The following PCLO variants were observed in gnomAD, a reference collection of about 807,000 sequenced individuals.
PCLO encodes piccolo presynaptic cytomatrix protein.
A neutral mutation model predicts 427.5 loss-of-function variants in PCLO; 82 were observed. The observed-to-expected ratio is 0.19, with a 90% CI of 0.16 to 0.23. The LOEUF is 0.23. PCLO is among the 10% of genes least tolerant of loss of function. PCLO has a pLI of 1.00. For missense variants in PCLO, 6,239 were observed against 6,115.9 expected (o/e 1.02, Z -0.67); for synonymous variants, 2,357 against 2,155.4 (o/e 1.09, Z -2.59).
chr7:82,919,656 A>C (rs2116289145), intron 6 of PCLO, among the ~76,000 whole-genome samples: 1 of 152,040 alleles, frequency 6.6e-6, no homozygotes, highest in African/African-American at 2.4e-5. Context: ...GTTGAGAGAA[A>C]GCAACAGATT....
At chr7:82,763,159 C>T (rs536917677) in intron 22 of PCLO, among the ~76,000 whole-genome samples, 8 of 152,138 alleles carry the variant, frequency 5.3e-5, no homozygotes, top group Middle Eastern at 3.4e-3. Flanking sequence ...ACTGATTCAT[C>T]GAGGATACCC....
chr7:83,057,083 T>G, intron 3 of PCLO, among the ~76,000 whole-genome samples: 1 of 149,872 alleles, frequency 6.7e-6, no homozygotes, highest in East Asian at 1.9e-4. Flanking sequence ...TCTTTAACCA[T>G]ATATATATAT....
intron 6 of PCLO, among the ~76,000 whole-genome samples, chr7:82,946,256 A>G (rs1795199115): frequency 1.3e-5 from 2 of 152,160 alleles, no homozygotes; most frequent in Admixed American, 6.5e-5. Flanking sequence ...CATTCCTTCT[A>G]TGATTATAAT....
chr7:82,950,911 A>C lies in PCLO; in HGVS notation c.9677T>G (p.Ile3226Ser). 1 of 1,613,328 alleles carries C rather than the reference A, an allele frequency of 6.2e-7. No individual in the cohort carries two copies. Among genetic ancestry groups the C allele is most frequent in the Non-Finnish European group, 8.5e-7 (1 of 1,179,822 alleles). ...TTCCTCAGCAAAGCGCTGTTGCTTAATTTTCTCCAGTTCCAGGAGCTCACG... is the reference window on the plus strand; with the variant it reads ...TTCCTCAGCAAAGCGCTGTTGCTTACTTTTCTCCAGTTCCAGGAGCTCACG... ...LERELLELEK[I>S]KQQRFAEELE... Residue 3226 changes from isoleucine (I) to serine (S), a missense_variant, in exon 6 of 25, where the codon ATT becomes AGT. Around this residue, in one of 5 missense-constraint regions of PCLO, gnomAD observed 4,677 missense variants for 4,468.4 expected, o/e 1.05. Coordinates refer to ENST00000333891, the MANE Select transcript of PCLO (RefSeq NM_033026.6).
chr7:83,152,140 A>AT (rs1228669268), intron 2 of PCLO, among the ~76,000 whole-genome samples: 12 of 150,946 alleles, frequency 7.9e-5, no homozygotes, highest in African/African-American at 2.9e-4. Flanking sequence ...AATTTTTTGT[A>AT]TTTTTAGTAG....
At chr7:83,036,986 G>A (rs1318169417) in intron 3 of PCLO, among the ~76,000 whole-genome samples, 2 of 152,100 alleles carry the variant, frequency 1.3e-5, no homozygotes, top group East Asian at 3.9e-4. Flanking sequence ...AAATGAAGAA[G>A]TTAACAGATT....
intron 3 of PCLO, among the ~76,000 whole-genome samples, chr7:83,047,778 T>C (rs966688175): frequency 3.3e-5 from 5 of 152,070 alleles, no homozygotes; most frequent in Non-Finnish European, 5.9e-5. Context: ...AATTTAAATA[T>C]TCTCAAAGTC....
At position 83,155,687 on chromosome 7, in the gene PCLO, C is replaced by A. The variant is rs757236652; in HGVS notation, c.954G>T (p.Gln318His). The A allele has an allele frequency of 1.2e-6, 2 of 1,613,850 alleles. No homozygotes were observed. The highest frequency in any genetic ancestry group is 1.7e-5 in the Admixed American group (1 of 60,004). Reference protein sequence around the residue: ...QPTPGKPPAQQPGHEKSQPGP... With the variant: ...QPTPGKPPAQHPGHEKSQPGP... ...CAGGCTGTGATTTTTCATGTCCAGG[C>A]TGCTGTGCTGGAGGTTTTCCAGGAG... The change falls in exon 2 of 25, where the codon CAG becomes CAT. Residue 318 changes from glutamine (Q) to histidine (H), a missense_variant. Gln to His is a conservative substitution (Grantham distance 24). Coordinates refer to ENST00000333891, the MANE Select transcript of PCLO (RefSeq NM_033026.6).
chr7:82,981,619 T>C (rs1431889610), intron 3 of PCLO, among the ~76,000 whole-genome samples: 1 of 152,146 alleles, frequency 6.6e-6, no homozygotes, highest in Non-Finnish European at 1.5e-5. Context: ...TCTGTCACCT[T>C]TGCAATAATT....
At position 83,154,001 on chromosome 7, in the gene PCLO, C is replaced by T. The variant is rs573504453; in HGVS notation, c.1893+747G>A. 3.9e-5 allele frequency among the ~76,000 whole-genome samples: 6 copies of T among 152,174 alleles called. No individual in the cohort carries two copies. In the South Asian group the frequency reaches 1.2e-3, roughly 32 times the overall value. The stretch of plus-strand genomic sequence containing the variant: ...ATAAAGTCAGTTAACTTGCTGAGAA[C>T]TACTCTTCTATCCTCAATCTGAGTA... On this transcript the variant is annotated intron_variant, in intron 2 of 24. Transcript: ENST00000333891.
intron 10 of PCLO, 59 bp downstream of exon 10, chr7:82,879,276 TTA>T: frequency 5.1e-6 from 7 of 1,385,212 alleles, no homozygotes; most frequent in Non-Finnish European, 6.9e-6. Context: ...GCATATTAAA[TTA>T]AAATGTATTT....
intron 22 of PCLO, among the ~76,000 whole-genome samples, chr7:82,798,758 G>T (rs951935021): frequency 2.0e-5 from 3 of 152,070 alleles, no homozygotes; most frequent in Non-Finnish European, 2.9e-5. Context: ...TTATAAATTT[G>T]ATTATTGTCA....
intron 16 of PCLO, among the ~76,000 whole-genome samples, chr7:82,831,092 C>T (rs943724033): frequency 2.6e-5 from 4 of 151,918 alleles, no homozygotes; most frequent in Non-Finnish European, 5.9e-5. Flanking sequence ...CTCCTTTTTC[C>T]TCTGGTAAAG....
rs1397839429 is a variant in PCLO, at chr7:82,908,832, T to C, written c.13437+45A>G. ...AAGACCATTCTAGGGTAGACTTGAG[T>C]CTTTTTTGATAAATCTAAAAGAAAT... On this transcript the variant is annotated intron_variant, in intron 8 of 24. Coordinates refer to ENST00000333891, the MANE Select transcript of PCLO (RefSeq NM_033026.6). 6 of 1,537,700 alleles carry C rather than the reference T, an allele frequency of 3.9e-6. 1 individual carries two copies. In the South Asian group the frequency reaches 6.9e-5, roughly 18 times the overall value.
At chr7:83,123,279 T>C (rs974250448) in intron 3 of PCLO, among the ~76,000 whole-genome samples, 19 of 152,134 alleles carry the variant, frequency 1.2e-4, no homozygotes, top group Admixed American at 9.8e-4. Context: ...AGTAGACCCG[T>C]GGACCAATGG....
Position 83,049,898 on chromosome 7 carries a change from T to C in PCLO, c.3301-83411A>G, listed in dbSNP as rs113875917. ...ACTGCTACGATTTAACAAAATAAGA[T>C]AAATTGAGGTTTCATCAGCTTATTA... On this transcript the variant is annotated intron_variant, in intron 3 of 24. Coordinates refer to ENST00000333891, the MANE Select transcript of PCLO (RefSeq NM_033026.6). 5.4e-3 allele frequency among the ~76,000 whole-genome samples: 822 copies of C among 152,176 alleles called. 3 individuals are homozygous for C. Among genetic ancestry groups the C allele is most frequent in the African/African-American group, 0.019 (771 of 41,552 alleles).
intron 22 of PCLO, among the ~76,000 whole-genome samples, chr7:82,773,789 G>T (rs549677248): frequency 5.9e-5 from 9 of 151,782 alleles, no homozygotes; most frequent in Non-Finnish European, 1.2e-4. Context: ...GCCCCAAGAG[G>T]AAGAACACTA....
Position 82,916,042 on chromosome 7 carries a change from G to T in PCLO, c.11944C>A (p.Arg3982Ser). 6.2e-7 allele frequency: 1 copy of T among 1,612,894 alleles called. No homozygotes were observed. The highest frequency in any genetic ancestry group is 8.5e-7 in the Non-Finnish European group (1 of 1,179,752). Residue 3982 changes from arginine (R) to serine (S), a missense_variant, in exon 7 of 25, where the codon CGC becomes AGC. Around this residue, in one of 5 missense-constraint regions of PCLO, gnomAD observed 680 missense variants for 677.3 expected, o/e 1.00. Coordinates refer to ENST00000333891, the MANE Select transcript of PCLO (RefSeq NM_033026.6). The part of the protein sequence containing the change: ...PKITSNYEVI[R>S]NQPLMIAPVS... ...GGTGCTATCATAAGGGGTTGGTTGC[G>T]AATCACTTCATAGTTTGAGGTTATC...
intron 3 of PCLO, among the ~76,000 whole-genome samples, chr7:82,989,832 A>G (rs534476845): frequency 6.0e-4 from 92 of 152,244 alleles, no homozygotes; most frequent in Non-Finnish European, 9.9e-4. Flanking sequence ...GAGTTATACT[A>G]TGGTCCAAAG....
Sources: gnomAD v4.1 joint callset for allele counts (sites outside exome capture counted in the v4.1 genomes callset) on GRCh38, gnomAD v4.1.1 for gene constraint, gnomAD v4.1.1 regional missense constraint, MANE v1.5 for transcripts, NCBI Gene and HGNC (gene_info 2026-07-23, HGNC 2026-07-21) for gene names.